RIMS1: variants seen among roughly 807,000 people sequenced by gnomAD.
RIMS1 encodes regulating synaptic membrane exocytosis 1.
RIMS1 carries 83 observed loss-of-function variants against 214.1 expected under a neutral mutation model. The observed-to-expected ratio is 0.39, with a 90% CI of 0.32 to 0.47. RIMS1 has a LOEUF of 0.47. Ranked by LOEUF, RIMS1 falls within the 20% of genes least tolerant of loss-of-function variation. RIMS1 has a pLI of 0.99. For missense variants in RIMS1, 2,050 were observed against 2,161.8 expected (o/e 0.95, Z 1.03); for synonymous variants, 793 against 786.8 (o/e 1.01, Z -0.13).
chr6:72,197,360 A>G (rs1168633583), intron 6 of RIMS1, among the ~76,000 whole-genome samples: 1 of 152,080 alleles, frequency 6.6e-6, no homozygotes, highest in Non-Finnish European at 1.5e-5. Context: ...ACCAAGACAC[A>G]TTGACCCTGG....
chr6:72,019,439 A>G lies in RIMS1; in HGVS notation c.245+50376A>G, dbSNP rs1398576704. ...GAAAATCATGTGACATTGTCATGTTATGAATAACATGTGACAATCTTTTCT... is the reference window on the plus strand; with the variant it reads ...GAAAATCATGTGACATTGTCATGTTGTGAATAACATGTGACAATCTTTTCT... On this transcript the variant is annotated intron_variant, in intron 2 of 33. Transcript: ENST00000521978. Among the ~76,000 whole-genome samples, 3 of 152,236 alleles carry G rather than the reference A, an allele frequency of 2.0e-5. No individual in the cohort carries two copies. In the East Asian group the frequency reaches 5.8e-4, roughly 29 times the overall value.
chr6:72,317,193 G>A, intron 28 of RIMS1: 1 of 319,016 alleles, frequency 3.1e-6, no homozygotes, highest in East Asian at 6.5e-5. Flanking sequence ...GGGACTTGAT[G>A]CTGAAGCCCT....
At chr6:71,897,379 T>G (rs1390713359) in intron 1 of RIMS1, among the ~76,000 whole-genome samples, 3 of 152,184 alleles carry the variant, frequency 2.0e-5, no homozygotes, top group Non-Finnish European at 4.4e-5. Flanking sequence ...CCGCTTGCTT[T>G]CAGAGTAAAG....
intron 2 of RIMS1, among the ~76,000 whole-genome samples, chr6:72,053,252 G>A (rs1464984285): frequency 6.6e-6 from 1 of 152,156 alleles, no homozygotes; most frequent in Admixed American, 6.6e-5. Context: ...TCTGGTAACT[G>A]TAGCTCATGT....
intron 23 of RIMS1, among the ~76,000 whole-genome samples, chr6:72,279,986 G>A (rs1206491396): frequency 6.6e-6 from 1 of 151,660 alleles, no homozygotes; most frequent in African/African-American, 2.4e-5. Flanking sequence ...GTAAACCAAA[G>A]GTCATGTTGT....
At chr6:71,947,212 C>A (rs955258923) in intron 1 of RIMS1, among the ~76,000 whole-genome samples, 2 of 151,714 alleles carry the variant, frequency 1.3e-5, no homozygotes, top group African/African-American at 4.8e-5. Flanking sequence ...TATATATATC[C>A]AAAAAATATG....
Position 72,400,837 on chromosome 6 carries a change from G to T in RIMS1, c.*123G>T. Reference sequence around the variant, plus strand: ...ATCAACTTGTGTTTTGCCTGTAGTAGTTTTTCAATAATATGTCCCAATTGT... The same window carrying T: ...ATCAACTTGTGTTTTGCCTGTAGTATTTTTTCAATAATATGTCCCAATTGT... On this transcript the variant is annotated 3_prime_UTR_variant, in exon 34 of 34. Transcript: ENST00000521978. 5 of 738,460 alleles carry T rather than the reference G, an allele frequency of 6.8e-6. No individual in the cohort carries two copies. In the South Asian group the frequency reaches 1.0e-4, roughly 15 times the overall value. The allele number at this position is 738,460 out of a possible 1,614,324, so 45.7% of individuals were successfully genotyped here.
chr6:71,908,130 G>A (rs1775800371), intron 1 of RIMS1, among the ~76,000 whole-genome samples: 1 of 152,210 alleles, frequency 6.6e-6, no homozygotes, highest in Non-Finnish European at 1.5e-5. Flanking sequence ...TGACCCCAAA[G>A]AGGCAACTCC....
intron 2 of RIMS1, among the ~76,000 whole-genome samples, chr6:72,024,728 A>G (rs532062467): frequency 6.6e-5 from 10 of 152,202 alleles, no homozygotes; most frequent in African/African-American, 2.4e-4. Context: ...AATATTGGGC[A>G]CTGTCCCATA....
intron 2 of RIMS1, among the ~76,000 whole-genome samples, chr6:72,069,836 G>A (rs535965088): frequency 1.3e-5 from 2 of 152,170 alleles, no homozygotes; most frequent in Admixed American, 6.5e-5. Context: ...ATCCATGCAA[G>A]CATTCTTGGT....
At chr6:72,350,304 A>G (rs551931085) in intron 29 of RIMS1, among the ~76,000 whole-genome samples, 1 of 152,266 alleles carries the variant, frequency 6.6e-6, no homozygotes, top group African/African-American at 2.4e-5. Context: ...CTCTCAGTGC[A>G]ATTGCAAGTA....
At chr6:71,905,171 G>A (rs1287617433) in intron 1 of RIMS1, among the ~76,000 whole-genome samples, 4 of 151,398 alleles carry the variant, frequency 2.6e-5, no homozygotes, top group Non-Finnish European at 5.9e-5. Flanking sequence ...ACTAAACTCT[G>A]AGGACTTTTT....
intron 4 of RIMS1, among the ~76,000 whole-genome samples, chr6:72,144,829 A>G (rs1316989125): frequency 6.6e-6 from 1 of 152,076 alleles, no homozygotes; most frequent in Non-Finnish European, 1.5e-5. Context: ...CTTAAAAACA[A>G]CTAATGAGAC....
At position 72,237,852 on chromosome 6, in the gene RIMS1, A is replaced by G. The variant is rs769394181; in HGVS notation, c.1887A>G (p.Gly629=). The G allele has an allele frequency of 6.2e-7, 1 of 1,613,478 alleles. No homozygotes were observed. The highest frequency in any genetic ancestry group is 1.1e-5 in the South Asian group (1 of 91,060). The change falls in exon 9 of 34, where the codon GGA becomes GGG. Residue 629 remains glycine, a synonymous_variant. Coordinates refer to ENST00000521978, the MANE Select transcript of RIMS1 (RefSeq NM_014989.7). Reference sequence around the variant, plus strand: ...TTGGAGGAAAAATGACTGACTTAGGACGACTTGGTGCTTTCATCACCAAAG... The same window carrying G: ...TTGGAGGAAAAATGACTGACTTAGGGCGACTTGGTGCTTTCATCACCAAAG... ...KVVGGKMTDL[G]RLGAFITKVK...
At chr6:72,242,193 C>G (rs978326056) in intron 9 of RIMS1, 121 bp from the exon 10 acceptor site, 12 of 741,374 alleles carry the variant, frequency 1.6e-5, no homozygotes, top group Non-Finnish European at 2.6e-5. Context: ...CTTTTGAAAG[C>G]AGAGCCTAGA....
intron 9 of RIMS1, 47 bp downstream of exon 9, chr6:72,237,969 G>C: frequency 1.5e-6 from 2 of 1,326,570 alleles, no homozygotes; most frequent in Non-Finnish European, 2.1e-6. Flanking sequence ...CTCCATGCAT[G>C]AACATGAATT....
intron 1 of RIMS1, among the ~76,000 whole-genome samples, chr6:71,907,998 T>G (rs1273104866): frequency 1.3e-5 from 2 of 152,168 alleles, no homozygotes; most frequent in African/African-American, 2.4e-5. Flanking sequence ...TTGCCTTTAT[T>G]ATAGCAGGCA....
chr6:71,977,130 C>T (rs1296550402), intron 2 of RIMS1, among the ~76,000 whole-genome samples: 1 of 152,138 alleles, frequency 6.6e-6, no homozygotes, highest in Admixed American at 6.6e-5. Context: ...ACCTCAGACA[C>T]ATCCCCATCA....
rs753763992 is a variant in RIMS1, at chr6:72,248,145, A to G, written c.2241+18A>G. On this transcript the variant is annotated intron_variant, in intron 12 of 33. Coordinates refer to ENST00000521978, the MANE Select transcript of RIMS1 (RefSeq NM_014989.7). ...AACTTTCTGTATGTATTTTTTGTAC[A>G]TGTTGGAGGCTGTTAGTATTTGCAT... The G allele has an allele frequency of 4.0e-6, 6 of 1,509,476 alleles. No homozygotes were observed. The highest frequency in any genetic ancestry group is 3.4e-5 in the Admixed American group (2 of 59,216). The allele number at this position is 1,509,476 out of a possible 1,614,324, so 93.5% of individuals were successfully genotyped here. A position where few individuals can be genotyped will look rare whatever the true frequency, so the allele number is the denominator to read the frequency against.
Sources: allele counts gnomAD v4.1 joint callset (sites outside exome capture counted in the v4.1 genomes callset), GRCh38; gene constraint gnomAD v4.1.1; transcripts MANE v1.5; gene names NCBI Gene and HGNC (gene_info 2026-07-23, HGNC 2026-07-21).